The following COLEC11 variants were observed in gnomAD, a reference collection of about 807,000 sequenced individuals.
COLEC11 encodes collectin subfamily member 11.
Under a neutral mutation model 27.3 loss-of-function variants are expected in COLEC11, and 20 were observed. The observed-to-expected ratio is 0.73, with a 90% CI of 0.51 to 1.06. The LOEUF (loss-of-function observed/expected upper bound fraction) is 1.06, where lower values mean the gene tolerates loss of function less well. Among genes scored for constraint, COLEC11 ranks in the 50% least tolerant of loss-of-function variants. COLEC11 has a pLI of 0.00. For synonymous variants in COLEC11, 163 were observed against 154.7 expected, an observed-to-expected ratio of 1.05 and a Z score of -0.40; for missense variants, 310 against 383.0, an observed-to-expected ratio of 0.81 and a Z score of 1.59.
intron 6 of COLEC11, 60 bp downstream of exon 6, chr2:3,643,599 C>T (rs1408423413): frequency 4.4e-6 from 7 of 1,595,862 alleles, no homozygotes; most frequent in Non-Finnish European, 6.0e-6. Flanking sequence ...TCCTGAGCCC[C>T]CCGGCAAGGG....
intron 2 of COLEC11, chr2:3,605,885 CT>C: frequency 2.4e-5 from 13 of 545,594 alleles, no homozygotes; most frequent in Middle Eastern, 1.1e-3. Flanking sequence ...TGGCTGGGGG[CT>C]TTTTTCCGGC....
At chr2:3,617,534 C>T (rs1028901440) in intron 3 of COLEC11, 29 of 1,548,324 alleles carry the variant, frequency 1.9e-5, no homozygotes, top group South Asian at 8.9e-5. Context: ...TGCATATTGG[C>T]GGCGCACGCC....
At chr2:3,618,769 G>A (rs1423231351) in intron 3 of COLEC11, among the ~76,000 whole-genome samples, 1 of 152,054 alleles carries the variant, frequency 6.6e-6, no homozygotes, top group African/African-American at 2.4e-5. Flanking sequence ...GATTGCATTG[G>A]GTAGTATGGA....
chr2:3,624,458 A>G (rs544200085), intron 3 of COLEC11, among the ~76,000 whole-genome samples: 9 of 152,282 alleles, frequency 5.9e-5, no homozygotes, highest in African/African-American at 1.7e-4. Context: ...CAGTCACCTC[A>G]GTATTGGAGG....
chr2:3,617,621 G>A, intron 3 of COLEC11: 1 of 1,612,154 alleles, frequency 6.2e-7, no homozygotes, highest in Non-Finnish European at 8.5e-7. Flanking sequence ...TTGAGTCTCT[G>A]TCTTCTTCAG....
At chr2:3,605,207 G>A (rs1241616588) in intron 2 of COLEC11, 1 of 440,174 alleles carries the variant, frequency 2.3e-6, no homozygotes. Context: ...AGAAGGGACA[G>A]CAGAGTGTGT....
At chr2:3,609,776 C>T (rs970300460) in intron 2 of COLEC11, among the ~76,000 whole-genome samples, 15 of 152,216 alleles carry the variant, frequency 9.9e-5, no homozygotes, top group African/African-American at 2.2e-4. Context: ...GTGATCCACC[C>T]GCCTTGGGCT....
chr2:3,608,668 AAAC>A (rs1349117505), intron 2 of COLEC11, among the ~76,000 whole-genome samples: 1 of 152,196 alleles, frequency 6.6e-6, no homozygotes, highest in African/African-American at 2.4e-5. Context: ...GGAAAACAAA[AAAC>A]AAAAACAAAA....
rs60222284 is a variant in COLEC11, at chr2:3,625,625, C to CTTTTTTTTTTTTTTTTTT, written c.203-11906_203-11889dup. Among the ~76,000 whole-genome samples, 202 of 91,438 alleles carry CTTTTTTTTTTTTTTTTTT rather than the reference C, an allele frequency of 2.2e-3. 2 individuals are homozygous for CTTTTTTTTTTTTTTTTTT. The highest frequency in any genetic ancestry group is 3.0e-3 in the Non-Finnish European group (158 of 52,138). 60.0% of individuals were successfully genotyped at this position (91,438 alleles called of 152,430 possible). A position where few individuals can be genotyped will look rare whatever the true frequency, so the allele number is the denominator to read the frequency against. On this transcript the variant is annotated intron_variant, in intron 3 of 6. Transcript: ENST00000349077. ...GGAAAGTTTCTTTTCTTCTTTTTTA[C>CTTTTTTTTTTTTTTTTTT]TTTTTTTTTTTTTTTTTTTGAGACA...
intron 3 of COLEC11, among the ~76,000 whole-genome samples, chr2:3,623,381 A>G (rs888019296): frequency 6.6e-6 from 1 of 152,168 alleles, no homozygotes; most frequent in African/African-American, 2.4e-5. Flanking sequence ...TAAGCTTTCT[A>G]TTAGCTTCTC....
chr2:3,599,929 G>A (rs1258425922), intron 1 of COLEC11, among the ~76,000 whole-genome samples: 2 of 152,200 alleles, frequency 1.3e-5, no homozygotes, highest in African/African-American at 2.4e-5. Context: ...ATACTGTGCT[G>A]TGATATCTTA....
At chr2:3,638,670 G>T (rs2147958520) in intron 4 of COLEC11, among the ~76,000 whole-genome samples, 1 of 152,264 alleles carries the variant, frequency 6.6e-6, no homozygotes, top group Non-Finnish European at 1.5e-5. Flanking sequence ...CGATGGGGAG[G>T]GGCCTAGCTC....
At chr2:3,597,507 C>A (rs550236524) in intron 1 of COLEC11, among the ~76,000 whole-genome samples, 1 of 152,204 alleles carries the variant, frequency 6.6e-6, no homozygotes, top group African/African-American at 2.4e-5. Flanking sequence ...CTGCTCACTA[C>A]TCACCCCTTT....
In COLEC11 at chr2:3,635,001, C is replaced by T. The variant is rs578128677; in HGVS notation, c.203-2532C>T. 1.1e-4 allele frequency among the ~76,000 whole-genome samples: 16 copies of T among 151,832 alleles called. No homozygotes were observed. In the East Asian group the frequency reaches 2.9e-3, roughly 28 times the overall value. ...TTCCTCCCCCAGCTCCTCTTCCTCACGTGGGCCCCTGCCTCCCACTGGACA... is the reference window on the plus strand; with the variant it reads ...TTCCTCCCCCAGCTCCTCTTCCTCATGTGGGCCCCTGCCTCCCACTGGACA... On this transcript the variant is annotated intron_variant, in intron 3 of 6. Coordinates refer to ENST00000349077, the MANE Select transcript of COLEC11 (RefSeq NM_024027.5).
rs572396920 is a variant in COLEC11 at position 3,643,911 on chromosome 2, C to T, written c.609C>T (p.Ile203=). 1.9e-5 allele frequency: 31 copies of T among 1,614,086 alleles called. No individual in the cohort carries two copies. The highest frequency in any genetic ancestry group is 1.8e-4 in the East Asian group (8 of 44,876). ...AAGCCGGCCTGGCCCGTGTCTTCAT[C>T]GGCATCAACGACCTGGAGAAGGAGG... ...LAQAGLARVF[I]GINDLEKEGA... is the part of the protein sequence containing the mutation. The change falls in exon 7 of 7, where the codon ATC becomes ATT. Residue 203 remains isoleucine (I), a synonymous_variant. Coordinates refer to ENST00000349077, the MANE Select transcript of COLEC11 (RefSeq NM_024027.5).
intron 2 of COLEC11, among the ~76,000 whole-genome samples, chr2:3,609,917 GC>G (rs1414717362): frequency 3.9e-5 from 6 of 152,224 alleles, no homozygotes. Context: ...TCCTGCCTTG[GC>G]CTCCCAAAGT....
chr2:3,595,838 C>T (rs182862899), intron 1 of COLEC11, among the ~76,000 whole-genome samples: 220 of 152,272 alleles, frequency 1.4e-3, no homozygotes, highest in Middle Eastern at 6.8e-3. Flanking sequence ...GTGATGTGGT[C>T]GTTCTCAATT....
At chr2:3,627,983 A>C (rs1219593380) in intron 3 of COLEC11, among the ~76,000 whole-genome samples, 1 of 152,070 alleles carries the variant, frequency 6.6e-6, no homozygotes, top group Non-Finnish European at 1.5e-5. Flanking sequence ...GCCTGTGGCC[A>C]CTCCAAACCA....
At chr2:3,628,262 G>T (rs1317602451) in intron 3 of COLEC11, among the ~76,000 whole-genome samples, 3 of 152,194 alleles carry the variant, frequency 2.0e-5, no homozygotes, top group Non-Finnish European at 4.4e-5. Context: ...CGGCTGCCCC[G>T]CAGGGTTCTA....
Sources: allele counts gnomAD v4.1 joint callset (sites outside exome capture counted in the v4.1 genomes callset), GRCh38; gene constraint gnomAD v4.1.1; transcripts MANE v1.5; gene names NCBI Gene and HGNC (gene_info 2026-07-23, HGNC 2026-07-21).